ANKS1B: variants seen among roughly 807,000 people sequenced by gnomAD.
ANKS1B encodes the protein ankyrin repeat and sterile alpha motif domain-containing protein 1B.
ANKS1B carries 36 observed loss-of-function variants against 148.3 expected under a neutral mutation model. The observed-to-expected ratio is 0.24, with a 90% CI of 0.19 to 0.32. The LOEUF (loss-of-function observed/expected upper bound fraction) is 0.32. ANKS1B is among the 10% of genes least tolerant of loss of function. The probability of loss-of-function intolerance (pLI) is 1.00; values close to 1 mark genes in which losing one functional copy is unlikely to be tolerated. For synonymous variants in ANKS1B, 542 were observed against 560.8 expected (o/e 0.97, Z 0.47); for missense variants, 1,157 against 1,542.6 (o/e 0.75, Z 4.19).
chr12:99,840,877 G>A lies in ANKS1B; in HGVS notation c.135-15488C>T, dbSNP rs114281408. On this transcript the variant is annotated intron_variant, in intron 1 of 26. Transcript: ENST00000683438. ...TCTTTGTCTTGTTGATGAATTTAACGGCATGCCTGGTAGGGCACCACCATT... is the reference window on the plus strand; with the variant it reads ...TCTTTGTCTTGTTGATGAATTTAACAGCATGCCTGGTAGGGCACCACCATT... Among the ~76,000 whole-genome samples the A allele has an allele frequency of 8.3e-3, 1,268 of 152,142 alleles. 17 individuals are homozygous for A. Among genetic ancestry groups the A allele is most frequent in the African/African-American group, 0.028 (1,162 of 41,522 alleles).
chr12:99,092,639 A>G (rs1054298490), intron 15 of ANKS1B, among the ~76,000 whole-genome samples: 6 of 152,190 alleles, frequency 3.9e-5, no homozygotes, highest in African/African-American at 1.4e-4. Flanking sequence ...GGCAGGGAAC[A>G]TGGCGCCCTT....
intron 9 of ANKS1B, among the ~76,000 whole-genome samples, chr12:99,593,574 T>C (rs1275094159): frequency 6.6e-6 from 1 of 152,024 alleles, no homozygotes; most frequent in African/African-American, 2.4e-5. Context: ...TGGATATCAA[T>C]AAAAGAAAAC....
intron 1 of ANKS1B, among the ~76,000 whole-genome samples, chr12:99,959,402 T>C (rs1296456600): frequency 7.9e-5 from 12 of 151,900 alleles, no homozygotes; most frequent in Non-Finnish European, 4.4e-5. Flanking sequence ...AAAAGAAATA[T>C]AATTCATTTA....
intron 25 of ANKS1B, among the ~76,000 whole-genome samples, chr12:98,754,873 C>A (rs1441222438): frequency 6.6e-6 from 1 of 152,218 alleles, no homozygotes; most frequent in African/African-American, 2.4e-5. Flanking sequence ...TTAAGTTTTC[C>A]TGCCTAATGG....
At chr12:99,320,701 C>T (rs899073567) in intron 12 of ANKS1B, among the ~76,000 whole-genome samples, 1 of 152,214 alleles carries the variant, frequency 6.6e-6, no homozygotes. Context: ...TCTCTCAACT[C>T]ATCAAAGTCA....
intron 9 of ANKS1B, among the ~76,000 whole-genome samples, chr12:99,512,908 G>A (rs1335134879): frequency 6.6e-6 from 1 of 151,952 alleles, no homozygotes; most frequent in Non-Finnish European, 1.5e-5. Context: ...CAGGGAGGCA[G>A]GGAGAGGAGA....
chr12:99,962,893 C>T (rs188172559), intron 1 of ANKS1B, among the ~76,000 whole-genome samples: 169 of 151,426 alleles, frequency 1.1e-3, no homozygotes, highest in African/African-American at 3.9e-3. Context: ...GGCTCACTGC[C>T]GGCTCCGCCT....
intron 4 of ANKS1B, among the ~76,000 whole-genome samples, chr12:99,784,395 A>T (rs1330015253): frequency 6.6e-6 from 1 of 151,972 alleles, no homozygotes; most frequent in Non-Finnish European, 1.5e-5. Context: ...GATGGTCTCG[A>T]TCTCCTGACC....
chr12:98,735,905 G>A (rs2097770391), intron 9 of ANKS1B, among the ~76,000 whole-genome samples: 1 of 152,162 alleles, frequency 6.6e-6, no homozygotes, highest in African/African-American at 2.4e-5. Context: ...GCTGACACTT[G>A]TACAGACCTG....
chr12:98,867,673 C>T (rs1451129945), intron 17 of ANKS1B, among the ~76,000 whole-genome samples: 1 of 145,624 alleles, frequency 6.9e-6, no homozygotes, highest in African/African-American at 2.8e-5. Context: ...ATCCTGGCTT[C>T]ATCCTGGTGA....
intron 14 of ANKS1B, among the ~76,000 whole-genome samples, chr12:99,228,763 C>T (rs2153949023): frequency 6.6e-6 from 1 of 151,920 alleles, no homozygotes; most frequent in African/African-American, 2.4e-5. Context: ...CCAATGACTC[C>T]CTTTTCTGAA....
chr12:99,812,123 T>C lies in ANKS1B; in HGVS notation c.372+32A>G. The C allele has an allele frequency of 2.5e-6, 4 of 1,587,716 alleles. No homozygotes were observed. The South Asian group carries it at 4.6e-5, about 18-fold the overall frequency. ...GCTTTGCCTTGTAAAACTAGAAAAATTACATCATGAGCAAACATTTGGCAA... is the reference window on the plus strand; with the variant it reads ...GCTTTGCCTTGTAAAACTAGAAAAACTACATCATGAGCAAACATTTGGCAA... On this transcript the variant is annotated intron_variant, in intron 3 of 26. Transcript: ENST00000683438.
chr12:98,941,964 C>T (rs112082377), intron 17 of ANKS1B, among the ~76,000 whole-genome samples: 5,866 of 152,124 alleles, frequency 0.039, 129 homozygotes, highest in African/African-American at 0.06. Flanking sequence ...TATTTTGAGC[C>T]GGGCACAGTG....
intron 19 of ANKS1B, among the ~76,000 whole-genome samples, chr12:98,810,485 C>T (rs543409890): frequency 1.3e-5 from 2 of 152,298 alleles, no homozygotes; most frequent in South Asian, 2.1e-4. Context: ...TCGAAGTACC[C>T]GTCTCTGGGG....
At chr12:99,464,685 G>A (rs1254767741) in intron 10 of ANKS1B, among the ~76,000 whole-genome samples, 2 of 152,088 alleles carry the variant, frequency 1.3e-5, no homozygotes, top group Admixed American at 1.3e-4. Context: ...TGGAACAAAG[G>A]GTATCAGTGA....
At chr12:99,599,073 T>A (rs2097779964) in intron 9 of ANKS1B, among the ~76,000 whole-genome samples, 1 of 152,064 alleles carries the variant, frequency 6.6e-6, no homozygotes, top group Admixed American at 6.6e-5. Flanking sequence ...TCTGTAAAGA[T>A]CTCCCTCTGT....
chr12:99,374,366 TC>T (rs1206526191), intron 12 of ANKS1B, among the ~76,000 whole-genome samples: 4 of 152,158 alleles, frequency 2.6e-5, no homozygotes, highest in Non-Finnish European at 5.9e-5. Context: ...TCCTCCCACA[TC>T]CCAGAGATGC....
At chr12:99,365,223 C>T (rs866772294) in intron 12 of ANKS1B, among the ~76,000 whole-genome samples, 2 of 152,158 alleles carry the variant, frequency 1.3e-5, no homozygotes, top group Non-Finnish European at 1.5e-5. Flanking sequence ...CAGACACACA[C>T]CAGTGAGCAT....
At chr12:99,545,536 T>C (rs2097164580) in intron 9 of ANKS1B, among the ~76,000 whole-genome samples, 3 of 152,062 alleles carry the variant, frequency 2.0e-5, no homozygotes, top group Non-Finnish European at 4.4e-5. Context: ...TTGAAGTGTT[T>C]GCTGTTGATG....
Sources: allele counts gnomAD v4.1 joint callset (sites outside exome capture counted in the v4.1 genomes callset), GRCh38; gene constraint gnomAD v4.1.1; transcripts MANE v1.5; gene names NCBI Gene and HGNC (gene_info 2026-07-23, HGNC 2026-07-21).